DIP2C: variants seen among roughly 807,000 people sequenced by gnomAD.
The protein encoded by DIP2C is disco-interacting protein 2 homolog C.
A neutral mutation model predicts 192.4 loss-of-function variants in DIP2C; 33 were observed. The observed-to-expected ratio is 0.17, with a 90% CI of 0.13 to 0.23. The LOEUF (loss-of-function observed/expected upper bound fraction) is 0.23. DIP2C is among the 10% of genes least tolerant of loss of function. The pLI is 1.00. For missense variants in DIP2C, 1,537 were observed against 2,110.1 expected (o/e 0.73, Z 5.32); for synonymous variants, 979 against 864.1 (o/e 1.13, Z -2.33).
intron 4 of DIP2C, chr10:430,345 T>TAG (rs1966845453): frequency 6.6e-6 from 1 of 152,188 alleles, no homozygotes; most frequent in Admixed American, 6.5e-5. Context: ...CAACCTAAGC[T>TAG]AGTTCACCCC....
At position 659,261 on chromosome 10, in the gene DIP2C, CACAT is replaced by C. The variant is rs138976203; in HGVS notation, c.85+30229_85+30232del. ...TGCCTAAACATGTAACACATGCACA[CACAT>C]ACATACAACACAAATACACATGCAC... On this transcript the variant is annotated intron_variant, in intron 1 of 36. Coordinates refer to ENST00000280886, the MANE Select transcript of DIP2C (RefSeq NM_014974.3). Among the ~76,000 whole-genome samples, 1,344 of 152,358 alleles carry C rather than the reference CACAT, an allele frequency of 8.8e-3. 12 individuals are homozygous for C. The highest frequency in any genetic ancestry group is 0.014 in the Non-Finnish European group (984 of 68,024).
rs375766265 is a variant in DIP2C, at chr10:640,650, C to T, written c.85+48844G>A. Among the ~76,000 whole-genome samples, 47 of 149,782 alleles carry T rather than the reference C, an allele frequency of 3.1e-4. No homozygotes were observed. In the South Asian group the frequency reaches 3.8e-3, roughly 12 times the overall value. On this transcript the variant is annotated intron_variant, in intron 1 of 36. Transcript: ENST00000280886. ...CTGCGCGCGGGGATGAGGGTGCGCG[C>T]GGGGAAGAGGGTGCGCGCGGGGATG... is the stretch of plus-strand genomic sequence containing the variant.
intron 1 of DIP2C, among the ~76,000 whole-genome samples, chr10:558,501 G>A (rs1564198663): frequency 6.6e-6 from 1 of 152,198 alleles, no homozygotes; most frequent in Non-Finnish European, 1.5e-5. Flanking sequence ...TAGATACGGG[G>A]GGTGGAGGCG....
At chr10:616,126 A>G (rs1337213463) in intron 1 of DIP2C, among the ~76,000 whole-genome samples, 1 of 152,188 alleles carries the variant, frequency 6.6e-6, no homozygotes, top group Non-Finnish European at 1.5e-5. Context: ...TCAGTCACAC[A>G]CACTTGAGAA....
At chr10:605,671 C>T (rs955003392) in intron 1 of DIP2C, among the ~76,000 whole-genome samples, 1 of 152,186 alleles carries the variant, frequency 6.6e-6, no homozygotes, top group Non-Finnish European at 1.5e-5. Flanking sequence ...CCACCTCTGT[C>T]TTAGATATTG....
chr10:503,808 T>G (rs1367705140), intron 1 of DIP2C, among the ~76,000 whole-genome samples: 1 of 152,240 alleles, frequency 6.6e-6, no homozygotes, highest in South Asian at 2.1e-4. Flanking sequence ...TTGTCCCCTA[T>G]GGTTTTCATC....
intron 3 of DIP2C, among the ~76,000 whole-genome samples, chr10:449,832 A>G (rs1443898128): frequency 1.3e-5 from 2 of 151,886 alleles, no homozygotes; most frequent in East Asian, 3.8e-4. Context: ...AATTCCATGA[A>G]GAAAATATTA....
chr10:420,707 C>T (rs573720954), intron 5 of DIP2C, among the ~76,000 whole-genome samples: 3 of 152,270 alleles, frequency 2.0e-5, no homozygotes, highest in African/African-American at 2.4e-5. Context: ...ACTTAATTGC[C>T]GGCATAATTA....
intron 29 of DIP2C, among the ~76,000 whole-genome samples, chr10:337,434 G>GGCA (rs1957884539): frequency 6.8e-6 from 1 of 147,994 alleles, no homozygotes; most frequent in African/African-American, 2.5e-5. Context: ...TGGAGGCCTA[G>GGCA]GCTGATTGTG....
At chr10:407,356 T>A (rs1053373046) in intron 9 of DIP2C, among the ~76,000 whole-genome samples, 9 of 152,216 alleles carry the variant, frequency 5.9e-5, no homozygotes, top group Non-Finnish European at 1.0e-4. Flanking sequence ...TGGGGTTGCT[T>A]CCACCATTTG....
intron 24 of DIP2C, among the ~76,000 whole-genome samples, chr10:349,842 G>A (rs547779846): frequency 2.2e-4 from 33 of 152,192 alleles, no homozygotes; most frequent in Non-Finnish European, 3.7e-4. Flanking sequence ...CCTGCACATC[G>A]GAAGACTAAT....
At chr10:431,313 T>G (rs1966853381) in intron 4 of DIP2C, among the ~76,000 whole-genome samples, 3 of 152,248 alleles carry the variant, frequency 2.0e-5, no homozygotes, top group Admixed American at 6.5e-5. Flanking sequence ...AGTTTTCCTA[T>G]CCATGAACGT....
intron 6 of DIP2C, among the ~76,000 whole-genome samples, chr10:417,666 CAG>C (rs563143586): frequency 0.15 from 1,215 of 8,246 alleles, 143 homozygotes; most frequent in African/African-American, 0.17. Flanking sequence ...CTGTTCCTGT[CAG>C]GGCTCGGATA....
chr10:349,492 T>C (rs761076352), intron 24 of DIP2C, 38 bp from the exon 25 acceptor site: 32 of 1,580,102 alleles, frequency 2.0e-5, no homozygotes, highest in African/African-American at 8.0e-5. Context: ...ATAAGATTCC[T>C]TCAGCAGAGC....
intron 3 of DIP2C, among the ~76,000 whole-genome samples, chr10:459,148 T>TA (rs1369624136): frequency 6.6e-6 from 1 of 152,130 alleles, no homozygotes; most frequent in African/African-American, 2.4e-5. Context: ...CAAAACTTTT[T>TA]AAAAAACAAG....
At chr10:430,571 C>T (rs1433733445) in intron 4 of DIP2C, 1 of 152,180 alleles carries the variant, frequency 6.6e-6, no homozygotes, top group Non-Finnish European at 1.5e-5. Context: ...TTGTATATTT[C>T]AAATAAAAGT....
intron 4 of DIP2C, chr10:438,009 T>G (rs1380249827): frequency 6.6e-6 from 1 of 152,242 alleles, no homozygotes; most frequent in Non-Finnish European, 1.5e-5. Context: ...TAAAAAATTT[T>G]TATGATATTG....
At chr10:672,481 C>T (rs1265571589) in intron 1 of DIP2C, among the ~76,000 whole-genome samples, 1 of 152,224 alleles carries the variant, frequency 6.6e-6, no homozygotes, top group African/African-American at 2.4e-5. Context: ...AGAGGCGAGG[C>T]TGGGGAGCCA....
chr10:579,639 G>T (rs1850453673), intron 1 of DIP2C, among the ~76,000 whole-genome samples: 1 of 152,044 alleles, frequency 6.6e-6, no homozygotes, highest in Non-Finnish European at 1.5e-5. Context: ...ACATGTACAT[G>T]CATAGAGCAA....
Sources: gnomAD v4.1 joint callset for allele counts (sites outside exome capture counted in the v4.1 genomes callset) on GRCh38, gnomAD v4.1.1 for gene constraint, MANE v1.5 for transcripts, NCBI Gene and HGNC (gene_info 2026-07-23, HGNC 2026-07-21) for gene names.